SOCS2: variants seen among roughly 807,000 people sequenced by gnomAD.
SOCS2 encodes the protein CIS-2.
In SOCS2, 10 loss-of-function variants were observed where a neutral mutation model predicts 18.6. The ratio of observed to expected loss-of-function variants is 0.54; its 90% CI spans 0.33 to 0.91. The LOEUF is 0.91. Ranked by LOEUF, SOCS2 falls within the 40% of genes least tolerant of loss-of-function variation. SOCS2 has a pLI of 0.02. For missense variants in SOCS2, 231 were observed against 247.2 expected (o/e 0.93, Z 0.44); for synonymous variants, 104 against 104.0 (o/e 1.00, Z 0.00).
At chr12:93,598,923 C>A in the SOCS2 span, among the ~76,000 whole-genome samples, 33 of 152,106 alleles carry the variant, frequency 2.2e-4, no homozygotes, top group Non-Finnish European at 4.4e-5. Flanking sequence ...AAATTGCTCT[C>A]CAAAGAGGTT....
chr12:93,589,624 T>C, the SOCS2 span, among the ~76,000 whole-genome samples: 2 of 152,172 alleles, frequency 1.3e-5, no homozygotes, highest in African/African-American at 4.8e-5. Context: ...TTGTTGCCCA[T>C]GTTGTAGACT....
In SOCS2 at chr12:93,574,722, G is replaced by A; in HGVS notation, c.140G>A (p.Gly47Glu). The A allele has an allele frequency of 6.3e-7, 1 of 1,596,340 alleles. No individual in the cohort carries two copies. The highest frequency in any genetic ancestry group is 2.2e-5 in the East Asian group (1 of 44,726). The change falls in exon 2 of 2, where the codon GGA (glycine) becomes GAA (glutamate). Residue 47 changes from glycine (G) to glutamate (E), a missense_variant and splice_region_variant. This residue lies in a region of SOCS2 where 106 missense variants were observed against 103.8 expected (regional missense o/e 1.02). Coordinates refer to ENST00000551556, the MANE Select transcript of SOCS2 (RefSeq NM_001270471.2). ...AKALRELGQT[G>E]WYWGSMTVNE... Reference sequence around the variant, plus strand: ...TTTTCTTTTTGAACAAAAACCCCAGGATGGTACTGGGGAAGTATGACTGTT... The same window carrying A: ...TTTTCTTTTTGAACAAAAACCCCAGAATGGTACTGGGGAAGTATGACTGTT...
chr12:93,607,997 A>T, the SOCS2 span, among the ~76,000 whole-genome samples: 1 of 146,730 alleles, frequency 6.8e-6, no homozygotes, highest in African/African-American at 2.5e-5. Context: ...TTTGACTGTA[A>T]ATCTTTTTTT....
chr12:93,612,799 C>T, the SOCS2 span, among the ~76,000 whole-genome samples: 5 of 152,008 alleles, frequency 3.3e-5, no homozygotes, highest in Non-Finnish European at 7.4e-5. Flanking sequence ...TGTTTTATGC[C>T]CCACCCTTCT....
chr12:93,578,277 T>C (rs1171335004), downstream of SOCS2, among the ~76,000 whole-genome samples: 1 of 152,212 alleles, frequency 6.6e-6, no homozygotes, highest in East Asian at 1.9e-4. Context: ...GAGTGTTTAT[T>C]TTCTTGGGAA....
chr12:93,572,672 T>A, upstream of SOCS2: 2 of 693,570 alleles, frequency 2.9e-6, no homozygotes, highest in Non-Finnish European at 5.2e-6. The surrounding 1 kb of genome is among the most constrained non-coding windows in gnomAD (Gnocchi z 5.0). Context: ...AACCTCCCGC[T>A]TTCTCTTTGT....
chr12:93,616,899 T>G, the SOCS2 span, among the ~76,000 whole-genome samples: 1 of 152,160 alleles, frequency 6.6e-6, no homozygotes, highest in Non-Finnish European at 1.5e-5. Flanking sequence ...AAAAAACCTT[T>G]TGGTCTGGAC....
chr12:93,584,496 CTT>C (rs1180468159), downstream of SOCS2, among the ~76,000 whole-genome samples: 3 of 152,128 alleles, frequency 2.0e-5, no homozygotes, highest in Non-Finnish European at 2.9e-5. Context: ...TTTTCTCACT[CTT>C]TTGTTCATTT....
chr12:93,620,121 A>G, the SOCS2 span, among the ~76,000 whole-genome samples: 165 of 152,230 alleles, frequency 1.1e-3, no homozygotes, highest in South Asian at 6.4e-3. Flanking sequence ...TACCTGTCTT[A>G]TATAACTCAT....
At chr12:93,623,967 G>T in the SOCS2 span, among the ~76,000 whole-genome samples, 1 of 152,138 alleles carries the variant, frequency 6.6e-6, no homozygotes, top group African/African-American at 2.4e-5. Context: ...GCCTCCCAAA[G>T]TGCTGGGATT....
the SOCS2 span, among the ~76,000 whole-genome samples, chr12:93,614,483 C>CTT: frequency 4.3e-5 from 1 of 22,994 alleles, no homozygotes; most frequent in Non-Finnish European, 7.5e-5. Flanking sequence ...TCCTTCCTTT[C>CTT]CTTCCTTCCT....
upstream of SOCS2, chr12:93,572,270 G>T (rs1431449773): frequency 5.6e-6 from 1 of 178,294 alleles, no homozygotes; most frequent in Non-Finnish European, 1.2e-5. This position sits in a 1 kb window ranked among gnomAD's most constrained non-coding sequence, Gnocchi z 5.0. Flanking sequence ...CTCGGGCTGC[G>T]CCAGGTGTGA....
At chr12:93,605,635 T>C in the SOCS2 span, among the ~76,000 whole-genome samples, 5 of 152,256 alleles carry the variant, frequency 3.3e-5, no homozygotes, top group African/African-American at 1.2e-4. Flanking sequence ...AAAGGAATTA[T>C]GTGAAATGAC....
chr12:93,610,214 T>C, the SOCS2 span, among the ~76,000 whole-genome samples: 8 of 152,172 alleles, frequency 5.3e-5, no homozygotes, highest in African/African-American at 1.7e-4. Context: ...TTAGCACACA[T>C]AAGAATCATG....
chr12:93,615,407 C>G, the SOCS2 span, among the ~76,000 whole-genome samples: 1 of 152,296 alleles, frequency 6.6e-6, no homozygotes, highest in African/African-American at 2.4e-5. Context: ...CATTCCTGGG[C>G]AGGGATCCTG....
the SOCS2 span, among the ~76,000 whole-genome samples, chr12:93,601,464 A>G: frequency 6.6e-6 from 1 of 151,500 alleles, no homozygotes; most frequent in South Asian, 2.1e-4. Context: ...GGGTTTCATC[A>G]TGTTGGCCAG....
the SOCS2 span, among the ~76,000 whole-genome samples, chr12:93,605,415 G>A: frequency 6.6e-6 from 1 of 152,274 alleles, no homozygotes; most frequent in East Asian, 1.9e-4. Context: ...GTCAGAAATT[G>A]GGTGGATGAG....
chr12:93,571,179 A>C (rs1954238521), upstream of SOCS2: 1 of 153,196 alleles, frequency 6.5e-6, no homozygotes, highest in Non-Finnish European at 1.5e-5. Flanking sequence ...GCACAGCCTC[A>C]GGATACCCCG....
chr12:93,615,157 C>T, the SOCS2 span, among the ~76,000 whole-genome samples: 1 of 152,138 alleles, frequency 6.6e-6, no homozygotes, highest in Non-Finnish European at 1.5e-5. Context: ...CCTGCCTCTG[C>T]CCTTGCTTGA....
Sources: allele counts gnomAD v4.1 joint callset (sites outside exome capture counted in the v4.1 genomes callset), GRCh38; gene constraint gnomAD v4.1.1; regional missense constraint gnomAD v4.1.1; non-coding constraint Gnocchi (gnomAD v3.1); transcripts MANE v1.5; gene names NCBI Gene and HGNC (gene_info 2026-07-23, HGNC 2026-07-21).